Variants in C3orf49 observed in about 807,000 individuals in gnomAD.
C3orf49 encodes the protein chromosome 3 open reading frame 49.
In C3orf49, 27 loss-of-function variants were observed where a neutral mutation model predicts 13.3. The ratio of observed to expected loss-of-function variants is 2.02; its 90% CI spans 1.49 to 2.79. C3orf49 has a LOEUF of 2.79. C3orf49 is among the 30% of genes most tolerant of loss of function. The pLI, the probability that C3orf49 is intolerant of heterozygous loss-of-function variation, is 0.00. For synonymous variants in C3orf49, 87 were observed against 47.6 expected (o/e 1.83, Z -3.40); for missense variants, 242 against 134.2 (o/e 1.80, Z -3.97).
At chr3:63,807,857 C>CAAAAAAAAAAAAAAAAAAA in the C3orf49 span, among the ~76,000 whole-genome samples, 2 of 32,244 alleles carry the variant, frequency 6.2e-5, no homozygotes, top group African/African-American at 8.6e-5. Context: ...AACTTCATCT[C>CAAAAAAAAAAAAAAAAAAA]AAAAAAAAAA....
chr3:63,781,262 CTTGT>C, the C3orf49 span, among the ~76,000 whole-genome samples: 1 of 151,204 alleles, frequency 6.6e-6, no homozygotes, highest in Non-Finnish European at 1.5e-5. Flanking sequence ...TTCCCCATTG[CTTGT>C]TTTTCTCAGG....
At chr3:63,837,915 C>A (rs1701667998) in intron 5 of C3orf49, 3 of 1,465,352 alleles carry the variant, frequency 2.0e-6, no homozygotes, top group Admixed American at 2.2e-5. Flanking sequence ...ACATTAAAAA[C>A]TGCATGAAAA....
chr3:63,828,006 C>G (rs1292606955), intron 3 of C3orf49, among the ~76,000 whole-genome samples: 2 of 152,184 alleles, frequency 1.3e-5, no homozygotes, highest in Non-Finnish European at 2.9e-5. Flanking sequence ...TATTAGCATT[C>G]TGGCCTATCT....
rs183018418 is a variant in C3orf49 at position 63,841,348 on chromosome 3, A to G, written c.850-3675A>G. ...AGGTGGGAAAAGATAATTTTCCTGC[A>G]TGTCTTTGTAGAATTTGGGGGGTTT... On this transcript the variant is annotated intron_variant, in intron 5 of 6. Transcript: ENST00000295896. Among the ~76,000 whole-genome samples the G allele has an allele frequency of 2.6e-4, 39 of 152,324 alleles. No homozygotes were observed. In the East Asian group the frequency reaches 6.9e-3, roughly 27 times the overall value.
chr3:63,785,797 C>T, the C3orf49 span, among the ~76,000 whole-genome samples: 2 of 151,958 alleles, frequency 1.3e-5, no homozygotes, highest in Admixed American at 6.6e-5. Context: ...CCAAGTCTAG[C>T]ATCAACCAGC....
chr3:63,827,948 G>A (rs1417106733), intron 3 of C3orf49, among the ~76,000 whole-genome samples: 1 of 152,036 alleles, frequency 6.6e-6, no homozygotes, highest in Non-Finnish European at 1.5e-5. Flanking sequence ...AACAGTGGAT[G>A]GAGTTTGGAT....
At chr3:63,807,968 G>A in the C3orf49 span, among the ~76,000 whole-genome samples, 1 of 151,482 alleles carries the variant, frequency 6.6e-6, no homozygotes, top group African/African-American at 2.4e-5. Flanking sequence ...TTTTCAGAAT[G>A]TCAAAATTTG....
At chr3:63,845,132 T>A in intron 6 of C3orf49, 50 bp downstream of exon 6, 1 of 662,242 alleles carries the variant, frequency 1.5e-6, no homozygotes, top group Admixed American at 2.3e-5. Context: ...CTCCTTCATG[T>A]AGCCCTGAGG....
chr3:63,793,039 T>C, the C3orf49 span, among the ~76,000 whole-genome samples: 14 of 152,320 alleles, frequency 9.2e-5, no homozygotes, highest in African/African-American at 3.1e-4. Flanking sequence ...AGTGATGCCA[T>C]GAATGGGTTC....
chr3:63,782,692 T>C, the C3orf49 span, among the ~76,000 whole-genome samples: 1 of 152,228 alleles, frequency 6.6e-6, no homozygotes. Context: ...CAGTTAGAAA[T>C]GGCTAACATT....
In C3orf49 at chr3:63,842,936, C is replaced by T. The variant is rs548159977; in HGVS notation, c.850-2087C>T. Among the ~76,000 whole-genome samples the T allele has an allele frequency of 1.1e-4, 16 of 152,056 alleles. 1 individual carries two copies. The highest frequency in any genetic ancestry group is 3.6e-4 in the African/African-American group (15 of 41,492). Reference sequence around the variant, plus strand: ...AGCTGTGACTACACATGCAGGCCATCATGCCTAGCTAATTTTTGTATTTTT... The same window carrying T: ...AGCTGTGACTACACATGCAGGCCATTATGCCTAGCTAATTTTTGTATTTTT... On this transcript the variant is annotated intron_variant, in intron 5 of 6. Coordinates refer to ENST00000295896, the MANE Select transcript of C3orf49 (RefSeq NM_001355236.2).
At chr3:63,845,112 G>C (rs1223269305) in intron 6 of C3orf49, 30 bp downstream of exon 6, 1 of 685,772 alleles carries the variant, frequency 1.5e-6, no homozygotes, top group Non-Finnish European at 2.7e-6. Context: ...CTGGGGGTGG[G>C]GGGTACTATC....
At chr3:63,824,202 G>A (rs1701438179) in intron 2 of C3orf49, among the ~76,000 whole-genome samples, 1 of 151,972 alleles carries the variant, frequency 6.6e-6, no homozygotes, top group South Asian at 2.1e-4. Context: ...ATATATGTGT[G>A]TATATATTCA....
chr3:63,790,363 C>T, the C3orf49 span, among the ~76,000 whole-genome samples: 1 of 152,134 alleles, frequency 6.6e-6, no homozygotes. Context: ...GAATTTCTAA[C>T]AGGCTGACCA....
chr3:63,788,085 C>T, the C3orf49 span, among the ~76,000 whole-genome samples: 1 of 152,188 alleles, frequency 6.6e-6, no homozygotes, highest in South Asian at 2.1e-4. Context: ...GACATAGAAA[C>T]CATGGCTGGA....
At chr3:63,807,857 C>CAAAAAAAAAAA in the C3orf49 span, among the ~76,000 whole-genome samples, 9 of 32,232 alleles carry the variant, frequency 2.8e-4, no homozygotes, top group South Asian at 1.2e-3. Flanking sequence ...AACTTCATCT[C>CAAAAAAAAAAA]AAAAAAAAAA....
intron 5 of C3orf49, among the ~76,000 whole-genome samples, chr3:63,837,372 T>G (rs1701657433): frequency 6.6e-6 from 1 of 152,022 alleles, no homozygotes. Context: ...ATTTACATTA[T>G]AAGAAGAGCA....
Position 63,835,042 on chromosome 3 carries a change from G to T in C3orf49, c.849+3198G>T, listed in dbSNP as rs1701600823. 26 of 1,045,192 alleles carry T rather than the reference G, an allele frequency of 2.5e-5. No homozygotes were observed. In the South Asian group the frequency reaches 4.0e-4, roughly 16 times the overall value. 64.7% of individuals were successfully genotyped at this position (1,045,192 alleles called of 1,614,324 possible). A position where few individuals can be genotyped will look rare whatever the true frequency, so the allele number is the denominator to read the frequency against. On this transcript the variant is annotated intron_variant, in intron 5 of 6. Transcript: ENST00000295896. Reference sequence around the variant, plus strand: ...CCTTCTAACGTCATCCAGCTACACTGTTCAGAAATTGAAGGTATACTGTCT... The same window carrying T: ...CCTTCTAACGTCATCCAGCTACACTTTTCAGAAATTGAAGGTATACTGTCT...
the C3orf49 span, among the ~76,000 whole-genome samples, chr3:63,808,403 C>T: frequency 6.6e-6 from 1 of 152,112 alleles, no homozygotes; most frequent in Admixed American, 6.5e-5. Flanking sequence ...ACTCAATGCT[C>T]GAAGTCACAA....
Sources: gnomAD v4.1 joint callset for allele counts (sites outside exome capture counted in the v4.1 genomes callset) on GRCh38, gnomAD v4.1.1 for gene constraint, MANE v1.5 for transcripts, NCBI Gene and HGNC (gene_info 2026-07-23, HGNC 2026-07-21) for gene names.